CCDC81: variants seen among roughly 807,000 people sequenced by gnomAD.
The protein encoded by CCDC81 is coiled-coil domain-containing protein 81.
Under a neutral mutation model 83.7 loss-of-function variants are expected in CCDC81, and 79 were observed. The observed-to-expected ratio is 0.94, with a 90% CI of 0.79 to 1.14. The LOEUF is 1.14. Among genes scored for constraint, CCDC81 ranks in the 50% most tolerant of loss-of-function variants. The pLI, the probability that CCDC81 is intolerant of heterozygous loss-of-function variation, is 0.00. For missense variants in CCDC81, 791 were observed against 778.1 expected (o/e 1.02, Z -0.20); for synonymous variants, 252 against 278.1 (o/e 0.91, Z 0.93).
intron 9 of CCDC81, among the ~76,000 whole-genome samples, chr11:86,408,493 C>T (rs1948593542): frequency 6.6e-6 from 1 of 152,058 alleles, no homozygotes; most frequent in Admixed American, 6.6e-5. Flanking sequence ...GTCACTACAC[C>T]TGGCTAATTT....
intron 10 of CCDC81, 125 bp from the exon 11 acceptor site, chr11:86,412,262 G>A (rs1948653103): frequency 4.2e-6 from 3 of 713,114 alleles, no homozygotes; most frequent in South Asian, 1.9e-5. Flanking sequence ...CAGCTGGTCC[G>A]TGTGTTGAGG....
chr11:86,412,117 G>A (rs906879237), intron 10 of CCDC81, among the ~76,000 whole-genome samples: 2 of 152,068 alleles, frequency 1.3e-5, no homozygotes, highest in Non-Finnish European at 2.9e-5. Context: ...TTCTTCCCTG[G>A]CAATAATCAT....
At chr11:86,379,402 T>C (rs552245362) in intron 1 of CCDC81, among the ~76,000 whole-genome samples, 3 of 152,286 alleles carry the variant, frequency 2.0e-5, no homozygotes, top group Admixed American at 6.5e-5. Flanking sequence ...GGCCCAGTTA[T>C]ACTTTTAAAA....
chr11:86,383,076 A>C (rs1277000300), intron 1 of CCDC81, among the ~76,000 whole-genome samples: 1 of 152,228 alleles, frequency 6.6e-6, no homozygotes, highest in Non-Finnish European at 1.5e-5. Flanking sequence ...GTATATATTC[A>C]TCATTGTATA....
intron 3 of CCDC81, 122 bp downstream of exon 3, chr11:86,387,794 C>A: frequency 1.4e-6 from 1 of 716,278 alleles, no homozygotes; most frequent in Non-Finnish European, 2.2e-6. Flanking sequence ...TCACTTTTCA[C>A]AAGGTGCTTT....
intron 7 of CCDC81, among the ~76,000 whole-genome samples, chr11:86,403,518 T>G (rs550621608): frequency 5.9e-5 from 9 of 152,244 alleles, no homozygotes; most frequent in African/African-American, 1.9e-4. Flanking sequence ...AAAGAATGAT[T>G]TAGAGGGATA....
intron 5 of CCDC81, among the ~76,000 whole-genome samples, chr11:86,396,317 A>C (rs1432405433): frequency 6.6e-6 from 1 of 152,196 alleles, no homozygotes; most frequent in Non-Finnish European, 1.5e-5. Flanking sequence ...AACATGGTGC[A>C]CTATTGAGAA....
intron 4 of CCDC81, among the ~76,000 whole-genome samples, chr11:86,393,306 G>A (rs1948360221): frequency 6.6e-6 from 1 of 152,166 alleles, no homozygotes. Flanking sequence ...CAAGTGATCT[G>A]CCTGCCTTGA....
chr11:86,402,768 A>T (rs368246742), intron 7 of CCDC81, among the ~76,000 whole-genome samples: 14 of 152,290 alleles, frequency 9.2e-5, no homozygotes, highest in Admixed American at 4.6e-4. Flanking sequence ...TGCTAATACC[A>T]TAGCAAAGTG....
At chr11:86,402,920 C>T (rs979982658) in intron 7 of CCDC81, among the ~76,000 whole-genome samples, 2 of 152,050 alleles carry the variant, frequency 1.3e-5, no homozygotes, top group African/African-American at 2.4e-5. Context: ...CTCACTGCAG[C>T]CTCAACCTGC....
chr11:86,375,372 AC>A, intron 1 of CCDC81, 130 bp downstream of exon 1: 1 of 703,934 alleles, frequency 1.4e-6, no homozygotes, highest in Non-Finnish European at 2.4e-6. Flanking sequence ...TGCCTTGACA[AC>A]CAGCTGGTAA....
At chr11:86,400,849 T>G in intron 7 of CCDC81, 48 bp downstream of exon 7, 1 of 1,539,308 alleles carries the variant, frequency 6.5e-7, no homozygotes, top group Non-Finnish European at 8.8e-7. Context: ...TAAATATATT[T>G]TTGAGTCGTT....
rs571539638 is a variant in CCDC81, at chr11:86,391,326, T to A, written c.299-1215T>A. Among the ~76,000 whole-genome samples, 3 of 152,344 alleles carry A rather than the reference T, an allele frequency of 2.0e-5. No individual in the cohort carries two copies. In the South Asian group the frequency reaches 6.2e-4, roughly 32 times the overall value. Reference sequence around the variant, plus strand: ...GTTAATTTTCATCATTTAGCAGTGGTGGACATTTGAAAGGATATAACTCAT... The same window carrying A: ...GTTAATTTTCATCATTTAGCAGTGGAGGACATTTGAAAGGATATAACTCAT... On this transcript the variant is annotated intron_variant, in intron 3 of 14. Coordinates refer to ENST00000445632, the MANE Select transcript of CCDC81 (RefSeq NM_001156474.2).
At chr11:86,408,058 T>C (rs1293241476) in intron 8 of CCDC81, 69 bp from the exon 9 acceptor site, 2 of 1,510,372 alleles carry the variant, frequency 1.3e-6, no homozygotes, top group Non-Finnish European at 1.8e-6. Flanking sequence ...TTGGAGAGCT[T>C]GTGAAGGGAA....
At chr11:86,414,310 A>ATTTT (rs1160936153) in intron 11 of CCDC81, 2 of 144,716 alleles carry the variant, frequency 1.4e-5, no homozygotes, top group African/African-American at 2.5e-5. Context: ...AGCGTATGGA[A>ATTTT]TTTTTTTTTT....
Position 86,412,569 on chromosome 11 carries a change from G to C in CCDC81, c.1391+10G>C. On this transcript the variant is annotated intron_variant, in intron 11 of 14. Coordinates refer to ENST00000445632, the MANE Select transcript of CCDC81 (RefSeq NM_001156474.2). ...TGCAACTCACAGAGGAGTGAGTCCA[G>C]CTACACACGCTCTGACAAATGGATT... 1 of 1,585,618 alleles carries C rather than the reference G, an allele frequency of 6.3e-7. No homozygotes were observed. The highest frequency in any genetic ancestry group is 8.5e-7 in the Non-Finnish European group (1 of 1,169,924).
At chr11:86,375,590 G>A (rs529395340) in intron 1 of CCDC81, among the ~76,000 whole-genome samples, 3 of 152,024 alleles carry the variant, frequency 2.0e-5, no homozygotes, top group Admixed American at 1.3e-4. Context: ...AGAGATGCAG[G>A]GACCCTAAAT....
At position 86,378,073 on chromosome 11, in the gene CCDC81, G is replaced by C. The variant is rs71465634; in HGVS notation, c.79+2831G>C. Among the ~76,000 whole-genome samples, 6 of 131,184 alleles carry C rather than the reference G, an allele frequency of 4.6e-5. No homozygotes were observed. In the Admixed American group the frequency reaches 4.6e-4, roughly 10 times the overall value. The allele number at this position is 131,184 out of a possible 152,430, so 86.1% of individuals were successfully genotyped here. A position where few individuals can be genotyped will look rare whatever the true frequency, so the allele number is the denominator to read the frequency against. The stretch of plus-strand genomic sequence containing the variant: ...GTATTGCCTTTGCCTCTTTGTCAAA[G>C]ATAAGTTGACTGTATTTATATGGGT... On this transcript the variant is annotated intron_variant, in intron 1 of 14. Coordinates refer to ENST00000445632, the MANE Select transcript of CCDC81 (RefSeq NM_001156474.2).
intron 1 of CCDC81, among the ~76,000 whole-genome samples, chr11:86,377,157 C>G (rs1948108902): frequency 6.7e-6 from 1 of 150,046 alleles, no homozygotes; most frequent in African/African-American, 2.4e-5. Context: ...ATTCCATTAT[C>G]TAGATGTACC....
Sources: allele counts gnomAD v4.1 joint callset (sites outside exome capture counted in the v4.1 genomes callset), GRCh38; gene constraint gnomAD v4.1.1; transcripts MANE v1.5; gene names NCBI Gene and HGNC (gene_info 2026-07-23, HGNC 2026-07-21).